The following BUB1B variants were observed in gnomAD, a reference collection of about 807,000 sequenced individuals.
BUB1B encodes the protein BUB1 mitotic checkpoint serine/threonine kinase B.
A neutral mutation model predicts 137.7 loss-of-function variants in BUB1B; 86 were observed. The ratio of observed to expected loss-of-function variants is 0.62; its 90% confidence interval spans 0.52 to 0.75. BUB1B has a LOEUF of 0.75. Ranked by LOEUF, BUB1B falls within the 30% of genes least tolerant of loss-of-function variation. The pLI is 0.00. For missense variants in BUB1B, 1,130 were observed against 1,236.9 expected (o/e 0.91, Z 1.30); for synonymous variants, 420 against 417.9 (o/e 1.00, Z -0.06).
chr15:40,214,981 T>C (rs2140909101), intron 20 of BUB1B, among the ~76,000 whole-genome samples: 1 of 152,286 alleles, frequency 6.6e-6, no homozygotes, highest in Non-Finnish European at 1.5e-5. Context: ...TTCCCAGGGC[T>C]ATGGAAATTG....
chr15:40,161,107 C>T lies in BUB1B; in HGVS notation c.-114C>T. 7.2e-7 allele frequency: 1 copy of T among 1,396,128 alleles called. No individual in the cohort carries two copies. The allele number at this position is 1,396,128 out of a possible 1,614,324, so 86.5% of individuals were successfully genotyped here. On this transcript the variant is annotated 5_prime_UTR_variant, in exon 1 of 23. In the 5' UTR this introduces an upstream ATG that the reference lacks. Transcript: ENST00000287598. ...GGCCGGTTTGTTAGGGAGTCGTGTA[C>T]GTGCCTTGGTCGCTTCTGTAGCTCC...
At position 40,202,582 on chromosome 15, in the gene BUB1B, T is replaced by C; in HGVS notation, c.1629-7T>C. The C allele has an allele frequency of 6.2e-7, 1 of 1,613,694 alleles. No homozygotes were observed. Among genetic ancestry groups the C allele is most frequent in the South Asian group, 1.1e-5 (1 of 91,072 alleles). On this transcript the variant is annotated splice_polypyrimidine_tract_variant and splice_region_variant and intron_variant, in intron 13 of 22. Transcript: ENST00000287598. Reference sequence around the variant, plus strand: ...AAAATTGCTAAGTGAGGTATGTCTTTTTCCAGTCCTCCTGCAGATCCCCCA... The same window carrying C: ...AAAATTGCTAAGTGAGGTATGTCTTCTTCCAGTCCTCCTGCAGATCCCCCA...
intron 6 of BUB1B, among the ~76,000 whole-genome samples, chr15:40,184,559 A>G (rs191075959): frequency 2.0e-5 from 3 of 152,334 alleles, no homozygotes; most frequent in Admixed American, 6.5e-5. Context: ...TACTAAATTT[A>G]TAGCAGTTAG....
intron 18 of BUB1B, 152 bp from the exon 19 acceptor site, chr15:40,212,347 T>G (rs546512213): frequency 1.6e-6 from 1 of 634,162 alleles, no homozygotes; most frequent in Admixed American, 2.8e-5. Flanking sequence ...TTCCAGAATT[T>G]GTTGTTATTG....
At chr15:40,200,814 A>G in intron 11 of BUB1B, 117 bp from the exon 12 acceptor site, 1 of 827,762 alleles carries the variant, frequency 1.2e-6, no homozygotes, top group Non-Finnish European at 2.0e-6. Flanking sequence ...AATTGACAGT[A>G]ATAATTTATC....
chr15:40,161,228 C>T lies in BUB1B; in HGVS notation c.8C>T (p.Ala3Val), dbSNP rs1276841522. 5 of 1,612,998 alleles carry T rather than the reference C, an allele frequency of 3.1e-6. No homozygotes were observed. Among genetic ancestry groups the T allele is most frequent in the Non-Finnish European group, 3.4e-6 (4 of 1,179,554 alleles). Residue 3 changes from alanine to valine, a missense_variant, in exon 1 of 23, where the codon GCG becomes GTG. Transcript: ENST00000287598. Reference sequence around the variant, plus strand: ...CTGAGCCAGGAATGCAGGATGGCGGCGGTGAAGAAGGAAGGGGGTGCTCTG... The same window carrying T: ...CTGAGCCAGGAATGCAGGATGGCGGTGGTGAAGAAGGAAGGGGGTGCTCTG... MA[A>V]VKKEGGALSE... is the part of the protein sequence containing the mutation.
chr15:40,188,465 G>A (rs1027316233), intron 8 of BUB1B, among the ~76,000 whole-genome samples: 1 of 151,972 alleles, frequency 6.6e-6, no homozygotes, highest in Non-Finnish European at 1.5e-5. Flanking sequence ...AAGAAAATCA[G>A]CTAAAAATCT....
In BUB1B at chr15:40,171,476, C is replaced by T. The variant is rs189027990; in HGVS notation, c.384+795C>T. 3.9e-5 allele frequency among the ~76,000 whole-genome samples: 6 copies of T among 152,140 alleles called. No individual in the cohort carries two copies. In the East Asian group the frequency reaches 9.7e-4, roughly 25 times the overall value. On this transcript the variant is annotated intron_variant, in intron 4 of 22. Transcript: ENST00000287598. ...GTGGGAGGGTCGCTTGAGCCCGGGA[C>T]GTCCAGACTACAGTGAGCTGAGATT...
chr15:40,208,027 G>T (rs947241027), intron 15 of BUB1B, among the ~76,000 whole-genome samples: 1 of 150,898 alleles, frequency 6.6e-6, no homozygotes, highest in African/African-American at 2.4e-5. Context: ...GGCTGAGGTG[G>T]GAGGATCACT....
At chr15:40,220,498 TAAACTA>T in intron 22 of BUB1B, 60 bp from the exon 23 acceptor site, 1 of 1,555,766 alleles carries the variant, frequency 6.4e-7, no homozygotes, top group Non-Finnish European at 8.9e-7. Context: ...ACCACTGAGT[TAAACTA>T]AAAGGAATTA....
chr15:40,163,595 C>T (rs919944381), intron 1 of BUB1B, among the ~76,000 whole-genome samples: 1 of 152,184 alleles, frequency 6.6e-6, no homozygotes, highest in African/African-American at 2.4e-5. Flanking sequence ...CCCACCAACA[C>T]TATGACTGCA....
chr15:40,203,728 C>A (rs1331290539), intron 14 of BUB1B, among the ~76,000 whole-genome samples: 1 of 152,128 alleles, frequency 6.6e-6, no homozygotes, highest in East Asian at 1.9e-4. Flanking sequence ...CCGCTATAGA[C>A]TAATGACATA....
At chr15:40,170,496 T>C (rs776331513) in intron 3 of BUB1B, 41 bp from the exon 4 acceptor site, 18 of 1,608,578 alleles carry the variant, frequency 1.1e-5, no homozygotes, top group Non-Finnish European at 1.5e-5. Context: ...AAAGTACATG[T>C]TCAATTTAAA....
chr15:40,200,894 G>T (rs1351338950), intron 11 of BUB1B, 37 bp from the exon 12 acceptor site: 2 of 1,589,192 alleles, frequency 1.3e-6, no homozygotes, highest in African/African-American at 2.7e-5. Flanking sequence ...CTTTCTGTGG[G>T]TATTGAGCAC....
chr15:40,163,017 C>T (rs1443268993), intron 1 of BUB1B, among the ~76,000 whole-genome samples: 3 of 152,056 alleles, frequency 2.0e-5, no homozygotes, highest in African/African-American at 7.2e-5. Context: ...GTGGAGTTTT[C>T]ATGTTTTCCG....
chr15:40,184,715 C>G (rs1372647721), intron 6 of BUB1B, among the ~76,000 whole-genome samples: 3 of 152,056 alleles, frequency 2.0e-5, no homozygotes, highest in African/African-American at 7.2e-5. Flanking sequence ...CATGATGAAG[C>G]TTGGTTAATA....
At chr15:40,212,250 A>G (rs2037723222) in intron 18 of BUB1B, among the ~76,000 whole-genome samples, 1 of 152,234 alleles carries the variant, frequency 6.6e-6, no homozygotes, top group Admixed American at 6.5e-5. Context: ...CTTGTAGTGT[A>G]AATGTAGCTC....
intron 1 of BUB1B, among the ~76,000 whole-genome samples, chr15:40,162,969 G>C (rs2037057275): frequency 6.6e-6 from 1 of 152,086 alleles, no homozygotes; most frequent in African/African-American, 2.4e-5. Flanking sequence ...TAATGTTGAT[G>C]AGAAAAAAAA....
chr15:40,212,908 A>C (rs1195014795), intron 19 of BUB1B, among the ~76,000 whole-genome samples: 2 of 152,170 alleles, frequency 1.3e-5, no homozygotes, highest in African/African-American at 4.8e-5. Context: ...ATCTATGATA[A>C]TCTTAGCTCA....
Sources: gnomAD v4.1 joint callset for allele counts (sites outside exome capture counted in the v4.1 genomes callset) on GRCh38, gnomAD v4.1.1 for gene constraint, MANE v1.5 for transcripts, NCBI Gene and HGNC (gene_info 2026-07-23, HGNC 2026-07-21) for gene names.